Variants in CYP4Z1 observed in about 807,000 individuals in gnomAD.
The protein encoded by CYP4Z1 is cytochrome P450 4Z1.
A neutral mutation model predicts 54.2 loss-of-function variants in CYP4Z1; 41 were observed. The observed-to-expected ratio is 0.76, with a 90% CI of 0.59 to 0.98. The LOEUF (loss-of-function observed/expected upper bound fraction) is 0.98, where lower values mean the gene tolerates loss of function less well. CYP4Z1 is among the 50% of genes least tolerant of loss of function. The pLI is 0.00. For missense variants in CYP4Z1, 513 were observed against 599.0 expected (o/e 0.86, Z 1.50); for synonymous variants, 163 against 206.2 (o/e 0.79, Z 1.79).
chr1:47,066,567 G>A (rs898280667), upstream of CYP4Z1, among the ~76,000 whole-genome samples: 2 of 152,156 alleles, frequency 1.3e-5, no homozygotes, highest in Non-Finnish European at 2.9e-5. Flanking sequence ...ACTGAAAGGG[G>A]AAAAGTAGAA....
At chr1:47,058,629 T>C in the CYP4Z1 span, among the ~76,000 whole-genome samples, 1 of 152,118 alleles carries the variant, frequency 6.6e-6, no homozygotes, top group Non-Finnish European at 1.5e-5. Context: ...GGACTCGCAT[T>C]TCTTCTCTCT....
intron 6 of CYP4Z1, among the ~76,000 whole-genome samples, chr1:47,085,858 A>G (rs545661785): frequency 1.7e-4 from 13 of 76,022 alleles, no homozygotes; most frequent in Non-Finnish European, 3.1e-4. Flanking sequence ...CCCACCCCAC[A>G]ACAGGCCCCA....
At chr1:47,087,955 T>A (rs559315378) in intron 6 of CYP4Z1, among the ~76,000 whole-genome samples, 1 of 152,226 alleles carries the variant, frequency 6.6e-6, no homozygotes, top group South Asian at 2.1e-4. Context: ...GGGAAAATCA[T>A]GTGGTTTTTG....
chr1:47,116,047 T>C (rs1353711199), intron 10 of CYP4Z1, among the ~76,000 whole-genome samples: 1 of 152,144 alleles, frequency 6.6e-6, no homozygotes, highest in Non-Finnish European at 1.5e-5. Flanking sequence ...CACTCAGTGC[T>C]AACCTGAGAG....
chr1:47,064,902 T>C (rs146757160), upstream of CYP4Z1, among the ~76,000 whole-genome samples: 245 of 152,286 alleles, frequency 1.6e-3, 1 homozygote, highest in African/African-American at 5.7e-3. Context: ...GCTGTTCTTA[T>C]ACCAGACATA....
intron 8 of CYP4Z1, among the ~76,000 whole-genome samples, chr1:47,104,563 G>A (rs1397089557): frequency 6.6e-6 from 1 of 152,196 alleles, no homozygotes; most frequent in Non-Finnish European, 1.5e-5. Context: ...GGTGGTGGCG[G>A]TGATGGGCTG....
chr1:47,062,272 A>G (rs534287557), upstream of CYP4Z1, among the ~76,000 whole-genome samples: 21 of 152,354 alleles, frequency 1.4e-4, no homozygotes, highest in African/African-American at 4.6e-4. Context: ...CAGTGTGTGA[A>G]GACTCACATC....
At chr1:47,105,832 T>A (rs6675902) in intron 8 of CYP4Z1, among the ~76,000 whole-genome samples, 25 of 151,994 alleles carry the variant, frequency 1.6e-4, no homozygotes, top group African/African-American at 5.6e-4. Flanking sequence ...ATACAGTCCA[T>A]GTCTCTACCA....
intron 7 of CYP4Z1, among the ~76,000 whole-genome samples, chr1:47,098,445 A>ATATTAAT (rs1644696201): frequency 6.6e-6 from 1 of 152,218 alleles, no homozygotes; most frequent in Non-Finnish European, 1.5e-5. Flanking sequence ...AAAATAGTAC[A>ATATTAAT]TATTAATTGT....
chr1:47,092,099 C>T (rs1644642354), intron 6 of CYP4Z1, among the ~76,000 whole-genome samples: 1 of 151,990 alleles, frequency 6.6e-6, no homozygotes, highest in African/African-American at 2.4e-5. Context: ...CAGTGACCTC[C>T]ACCTCTGGGG....
At chr1:47,098,029 CT>C (rs1378672899) in intron 7 of CYP4Z1, among the ~76,000 whole-genome samples, 2 of 152,024 alleles carry the variant, frequency 1.3e-5, no homozygotes, top group Non-Finnish European at 2.9e-5. Flanking sequence ...GTTGGCCAGG[CT>C]GGTCTTGAAC....
chr1:47,064,562 A>G (rs911671256), upstream of CYP4Z1, among the ~76,000 whole-genome samples: 5 of 152,174 alleles, frequency 3.3e-5, no homozygotes, highest in African/African-American at 1.2e-4. Flanking sequence ...TCTTGAAACA[A>G]ATTCTCAAAA....
chr1:47,057,646 A>AT, the CYP4Z1 span, among the ~76,000 whole-genome samples: 1,420 of 149,774 alleles, frequency 9.5e-3, 11 homozygotes, highest in African/African-American at 0.032. Flanking sequence ...TTTTCATTTG[A>AT]TTTTTTCTTG....
In CYP4Z1 at chr1:47,106,494, G is replaced by A. The variant is rs74073558; in HGVS notation, c.1201+233G>A. ...GCCATATGGACTGAGGGTTGGGTGA[G>A]GGGGCCTTCGTGAAGCATCACGGCT... On this transcript the variant is annotated intron_variant, in intron 9 of 11. Transcript: ENST00000334194. 7.3e-3 allele frequency among the ~76,000 whole-genome samples: 1,116 copies of A among 152,144 alleles called. 18 individuals are homozygous for A. Among genetic ancestry groups the A allele is most frequent in the African/African-American group, 0.025 (1,018 of 41,454 alleles).
chr1:47,107,999 G>A (rs913346537), intron 9 of CYP4Z1, among the ~76,000 whole-genome samples: 1 of 152,140 alleles, frequency 6.6e-6, no homozygotes, highest in Non-Finnish European at 1.5e-5. Flanking sequence ...CTGGTCTCCT[G>A]CAGTCTCTGC....
chr1:47,066,715 T>A (rs760735096), upstream of CYP4Z1, among the ~76,000 whole-genome samples: 2 of 151,736 alleles, frequency 1.3e-5, no homozygotes, highest in African/African-American at 2.4e-5. Context: ...AAAAAGGAGG[T>A]CAAACTGTCA....
chr1:47,065,849 T>C (rs1377395190), upstream of CYP4Z1, among the ~76,000 whole-genome samples: 1 of 152,124 alleles, frequency 6.6e-6, no homozygotes, highest in African/African-American at 2.4e-5. Flanking sequence ...CAGGAGCTAT[T>C]ACAAACTGAT....
chr1:47,108,702 A>G (rs556444250), intron 9 of CYP4Z1, among the ~76,000 whole-genome samples: 3 of 152,280 alleles, frequency 2.0e-5, no homozygotes, highest in African/African-American at 7.2e-5. Context: ...TGCTCTAGGC[A>G]CTTTGCTTTG....
In CYP4Z1 at chr1:47,115,567, A is replaced by C; in HGVS notation, c.1240A>C (p.Asn414His). ...VFINIWALHH[N>H]PYFWEDPQVF... is the part of the protein sequence containing the mutation. ...TATCAATATTTGGGCTCTTCACCAC[A>C]ACCCCTATTTCTGGGAAGACCCTCA... Residue 414 changes from asparagine to histidine, a missense_variant, in exon 10 of 12, where the codon AAC becomes CAC. Physicochemically the swap from Asn to His is moderately conservative, Grantham distance 68 (BLOSUM62 1). Coordinates refer to ENST00000334194, the MANE Select transcript of CYP4Z1 (RefSeq NM_178134.3). The C allele has an allele frequency of 6.2e-7, 1 of 1,613,644 alleles. No individual in the cohort carries two copies. Among genetic ancestry groups the C allele is most frequent in the Non-Finnish European group, 8.5e-7 (1 of 1,179,796 alleles).
Sources: allele counts gnomAD v4.1 joint callset (sites outside exome capture counted in the v4.1 genomes callset), GRCh38; gene constraint gnomAD v4.1.1; transcripts MANE v1.5; gene names NCBI Gene and HGNC (gene_info 2026-07-23, HGNC 2026-07-21).